RAF1: variants seen among roughly 807,000 people sequenced by gnomAD.
RAF1 encodes RAF proto-oncogene serine/threonine-protein kinase.
RAF1 carries 27 observed loss-of-function variants against 81.1 expected under a neutral mutation model. The ratio of observed to expected loss-of-function variants is 0.33; its 90% CI spans 0.25 to 0.46. RAF1 has a LOEUF of 0.46. Among genes scored for constraint, RAF1 ranks in the 20% least tolerant of loss-of-function variants. RAF1 has a pLI of 1.00. For synonymous variants in RAF1, 298 were observed against 294.0 expected (o/e 1.01, Z -0.14); for missense variants, 598 against 826.0 (o/e 0.72, Z 3.38).
intron 12 of RAF1, among the ~76,000 whole-genome samples, chr3:12,591,323 G>C (rs5746235): frequency 0.019 from 2,911 of 152,152 alleles, 92 homozygotes; most frequent in African/African-American, 0.066. Flanking sequence ...AATAGTGACT[G>C]AAAGATTGGA....
rs193264667 is a variant in RAF1, at chr3:12,628,232, A to G, written c.-26-9485T>C. On this transcript the variant is annotated intron_variant, in intron 1 of 17. Coordinates refer to ENST00000442415, the MANE Select transcript of RAF1 (RefSeq NM_001354689.3). ...TCCCTGCACTTCGGGAGACCGAGGT[A>G]CGAAGATCACTTAGGCCCAGGAGTT... Among the ~76,000 whole-genome samples, 564 of 152,384 alleles carry G rather than the reference A, an allele frequency of 3.7e-3. 12 individuals are homozygous for G. Among genetic ancestry groups the G allele is most frequent in the Admixed American group, 0.029 (443 of 15,306 alleles).
At chr3:12,617,608 G>A (rs1043012703) in intron 2 of RAF1, among the ~76,000 whole-genome samples, 9 of 152,096 alleles carry the variant, frequency 5.9e-5, no homozygotes, top group African/African-American at 1.9e-4. Flanking sequence ...TTATCAGGCT[G>A]GGCGTGGTGT....
intron 1 of RAF1, among the ~76,000 whole-genome samples, chr3:12,657,856 C>CAA (rs55918245): frequency 7.0e-4 from 101 of 143,776 alleles, no homozygotes; most frequent in Middle Eastern, 7.0e-3. Context: ...TTTTATCACC[C>CAA]AAAAAAAAAA....
intron 12 of RAF1, 34 bp downstream of exon 11, chr3:12,591,674 T>G (rs759259494): frequency 1.3e-6 from 2 of 1,580,252 alleles, no homozygotes; most frequent in South Asian, 1.1e-5. Context: ...ACTCCAGCAC[T>G]CCAGAGGGAC....
rs149822258 is a variant in RAF1 at position 12,657,329 on chromosome 3, A to G, written c.-27+6484T>C. Among the ~76,000 whole-genome samples the G allele has an allele frequency of 2.0e-5, 3 of 152,338 alleles. No individual in the cohort carries two copies. In the East Asian group the frequency reaches 5.8e-4, roughly 29 times the overall value. On this transcript the variant is annotated intron_variant, in intron 1 of 17. Transcript: ENST00000442415. The stretch of plus-strand genomic sequence containing the variant: ...CAAAATAGGATACATAAGAATTCAC[A>G]TTTCCCTCTGTGAAAGGAAGCTGGG...
intron 1 of RAF1, among the ~76,000 whole-genome samples, chr3:12,649,599 A>T (rs2060458797): frequency 1.1e-5 from 1 of 92,872 alleles, no homozygotes; most frequent in African/African-American, 5.4e-5. Flanking sequence ...TCACACACAC[A>T]CACACACACA....
chr3:12,603,771 C>T (rs982870528), intron 7 of RAF1, among the ~76,000 whole-genome samples: 1 of 152,172 alleles, frequency 6.6e-6, no homozygotes, highest in Non-Finnish European at 1.5e-5. Flanking sequence ...AATAAAATCA[C>T]AAAAGTCTTC....
At chr3:12,617,025 C>T (rs556434869) in intron 2 of RAF1, among the ~76,000 whole-genome samples, 2 of 152,306 alleles carry the variant, frequency 1.3e-5, no homozygotes, top group East Asian at 3.9e-4. Context: ...ACCTTTGCCT[C>T]CTGGGCTCAA....
intron 1 of RAF1, among the ~76,000 whole-genome samples, chr3:12,630,469 A>G (rs556447278): frequency 1.3e-5 from 2 of 152,256 alleles, no homozygotes; most frequent in African/African-American, 2.4e-5. Context: ...ATAGTGGGTG[A>G]TAAGTGCTGG....
intron 10 of RAF1, 73 bp from the exon 10 acceptor site, chr3:12,599,881 A>T (rs896706797): frequency 7.1e-5 from 89 of 1,260,594 alleles, no homozygotes; most frequent in Non-Finnish European, 1.3e-5. Context: ...GCATCAAAGG[A>T]TCAACCCATG....
Position 12,600,295 on chromosome 3 carries a change from A to G in RAF1, c.923-16T>C, listed in dbSNP as rs770891566. The G allele has an allele frequency of 5.0e-6, 8 of 1,614,070 alleles. No individual in the cohort carries two copies. The African/African-American group carries it at 9.3e-5, about 19-fold the overall frequency. ...GAAGGTGAGGCTTAATAGACAAGAC[A>G]AACAGAAGCCACACAAGGATAAGCC... On this transcript the variant is annotated splice_polypyrimidine_tract_variant and intron_variant, in intron 9 of 17. Coordinates refer to ENST00000442415, the MANE Select transcript of RAF1 (RefSeq NM_001354689.3).
chr3:12,659,536 A>G (rs2060811949), intron 1 of RAF1, among the ~76,000 whole-genome samples: 1 of 151,482 alleles, frequency 6.6e-6, no homozygotes, highest in Admixed American at 6.6e-5. Flanking sequence ...CAGTCAGATG[A>G]GCAATTAGGA....
At chr3:12,610,093 T>A (rs1359845396) in intron 3 of RAF1, among the ~76,000 whole-genome samples, 1 of 152,346 alleles carries the variant, frequency 6.6e-6, no homozygotes, top group East Asian at 1.9e-4. Flanking sequence ...TTTCTGTGCC[T>A]ACAGTATAAA....
At position 12,651,525 on chromosome 3, in the gene RAF1, T is replaced by G. The variant is rs533034701; in HGVS notation, c.-27+12288A>C. Among the ~76,000 whole-genome samples, 300 of 151,666 alleles carry G rather than the reference T, an allele frequency of 2.0e-3. 1 individual carries two copies. Among genetic ancestry groups the G allele is most frequent in the African/African-American group, 6.3e-3 (262 of 41,306 alleles). Reference sequence around the variant, plus strand: ...GGCTCATGCCCATAGTCCCAGCTACTCGGGAGGCTGAGGCACGAGAATCGC... The same window carrying G: ...GGCTCATGCCCATAGTCCCAGCTACGCGGGAGGCTGAGGCACGAGAATCGC... On this transcript the variant is annotated intron_variant, in intron 1 of 17. Coordinates refer to ENST00000442415, the MANE Select transcript of RAF1 (RefSeq NM_001354689.3).
At chr3:12,609,003 A>C in intron 4 of RAF1, 80 bp from the exon 5 acceptor site, 7 of 1,539,334 alleles carry the variant, frequency 4.5e-6, no homozygotes, top group Non-Finnish European at 6.2e-6. Flanking sequence ...GGCCTCCAAA[A>C]AAGTTTTTAC....
intron 1 of RAF1, among the ~76,000 whole-genome samples, chr3:12,643,384 T>A (rs1171513725): frequency 6.8e-6 from 1 of 146,156 alleles, no homozygotes; most frequent in East Asian, 1.9e-4. Context: ...ATGTTAAGGA[T>A]CAAAGTAAGA....
intron 5 of RAF1, among the ~76,000 whole-genome samples, chr3:12,607,870 G>C (rs1207522492): frequency 7.2e-6 from 1 of 139,712 alleles, no homozygotes; most frequent in African/African-American, 2.7e-5. Context: ...AGAATCACTT[G>C]AACCTGGGAG....
Position 12,647,779 on chromosome 3 carries a change from T to C in RAF1, c.-27+16034A>G, listed in dbSNP as rs536623951. Among the ~76,000 whole-genome samples the C allele has an allele frequency of 3.3e-5, 5 of 152,302 alleles. No homozygotes were observed. The East Asian group carries it at 9.6e-4, about 29-fold the overall frequency. ...GATGTGTACGTGTCAATATTTTTCG[T>C]TTCCTCACTCCTCTTTCTCAATTTC... On this transcript the variant is annotated intron_variant, in intron 1 of 17. Transcript: ENST00000442415.
Position 12,587,620 on chromosome 3 carries a change from T to A in RAF1, c.1448A>T (p.Asn483Ile). ...GGATTTCATGTCTCTATGGATGATGTTCTTTGCATGCAAATAGCTGTGAAG... is the reference window on the plus strand; with the variant it reads ...GGATTTCATGTCTCTATGGATGATGATCTTTGCATGCAAATAGCTGTGAAG... Residue 483 changes from asparagine (N) to isoleucine (I), a missense_variant, in exon 14 of 18, where the codon AAC becomes ATC. Transcript: ENST00000442415. The A allele has an allele frequency of 1.9e-6, 3 of 1,610,364 alleles. No individual in the cohort carries two copies. The highest frequency in any genetic ancestry group is 1.7e-4 in the Middle Eastern group (1 of 6,058).
Sources: allele counts gnomAD v4.1 joint callset (sites outside exome capture counted in the v4.1 genomes callset), GRCh38; gene constraint gnomAD v4.1.1; transcripts MANE v1.5; gene names NCBI Gene and HGNC (gene_info 2026-07-23, HGNC 2026-07-21).